Variants in CNGB3 observed in about 807,000 individuals in gnomAD.
The protein encoded by CNGB3 is cyclic nucleotide-gated channel beta-3.
A neutral mutation model predicts 92.8 loss-of-function variants in CNGB3; 86 were observed. The ratio of observed to expected loss-of-function variants is 0.93; its 90% confidence interval spans 0.78 to 1.11. The LOEUF (loss-of-function observed/expected upper bound fraction) is 1.11, where lower values mean the gene tolerates loss of function less well. Among genes scored for constraint, CNGB3 ranks in the 50% least tolerant of loss-of-function variants. The pLI, the probability that CNGB3 is intolerant of heterozygous loss-of-function variation, is 0.00. For missense variants in CNGB3, 1,026 were observed against 956.8 expected (o/e 1.07, Z -0.95); for synonymous variants, 333 against 332.7 (o/e 1.00, Z -0.01).
Position 86,625,521 on chromosome 8 carries a change from C to G in CNGB3, c.1578+462G>C, listed in dbSNP as rs148112146. ...AATTTTTTTTTCCTGAAACAAAAAGCTTCTAAATTAAAATTTGGCCATTTT... is the reference window on the plus strand; with the variant it reads ...AATTTTTTTTTCCTGAAACAAAAAGGTTCTAAATTAAAATTTGGCCATTTT... On this transcript the variant is annotated intron_variant, in intron 13 of 17. Coordinates refer to ENST00000320005, the MANE Select transcript of CNGB3 (RefSeq NM_019098.5). Among the ~76,000 whole-genome samples, 210 of 151,978 alleles carry G rather than the reference C, an allele frequency of 1.4e-3. 1 individual carries two copies. The highest frequency in any genetic ancestry group is 2.6e-4 in the Non-Finnish European group (18 of 67,964).
intron 3 of CNGB3, among the ~76,000 whole-genome samples, chr8:86,681,492 A>G (rs1000359422): frequency 6.6e-6 from 1 of 152,174 alleles, no homozygotes; most frequent in Non-Finnish European, 1.5e-5. Context: ...TAGAAGTTAC[A>G]ACACCTGTAT....
At chr8:86,687,998 A>G (rs951791127) in intron 3 of CNGB3, among the ~76,000 whole-genome samples, 1 of 152,040 alleles carries the variant, frequency 6.6e-6, no homozygotes, top group Non-Finnish European at 1.5e-5. Context: ...AGTGAGTAAT[A>G]AGAAAGGAAT....
chr8:86,616,025 A>T (rs1204202097), intron 13 of CNGB3, among the ~76,000 whole-genome samples: 2 of 152,200 alleles, frequency 1.3e-5, no homozygotes, highest in Non-Finnish European at 2.9e-5. Flanking sequence ...AGGAAGTCGG[A>T]TCAATGGGAA....
intron 15 of CNGB3, chr8:86,594,486 C>T: frequency 3.4e-6 from 1 of 292,934 alleles, no homozygotes; most frequent in South Asian, 3.2e-5. Flanking sequence ...AGGAGGGGAC[C>T]CGACACGTAG....
intron 13 of CNGB3, among the ~76,000 whole-genome samples, chr8:86,615,224 A>G (rs919592381): frequency 6.6e-6 from 1 of 152,122 alleles, no homozygotes; most frequent in Non-Finnish European, 1.5e-5. Context: ...TTCAATACTG[A>G]AAAAATTGGA....
intron 14 of CNGB3, among the ~76,000 whole-genome samples, chr8:86,606,565 C>T (rs532457625): frequency 6.6e-6 from 1 of 152,264 alleles, no homozygotes; most frequent in Admixed American, 6.5e-5. Context: ...AATATCATGT[C>T]TTTGCATATT....
intron 6 of CNGB3, among the ~76,000 whole-genome samples, chr8:86,663,410 T>G (rs1823683393): frequency 6.6e-6 from 1 of 152,228 alleles, no homozygotes; most frequent in Admixed American, 6.5e-5. Flanking sequence ...AGCACCACTT[T>G]TAGGAGCAAG....
intron 6 of CNGB3, chr8:86,658,334 C>G (rs921880488): frequency 2.1e-6 from 1 of 476,128 alleles, no homozygotes; most frequent in Non-Finnish European, 4.0e-6. Flanking sequence ...TGAGCGGAAG[C>G]GCCTCCTCCT....
chr8:86,708,309 C>T (rs1453472541), intron 3 of CNGB3, among the ~76,000 whole-genome samples: 5 of 151,814 alleles, frequency 3.3e-5, no homozygotes, highest in South Asian at 2.1e-4. Context: ...CAGTGAGGGA[C>T]GGTAGCAGTC....
intron 3 of CNGB3, among the ~76,000 whole-genome samples, chr8:86,717,561 C>CAAAAA (rs35692774): frequency 1.2e-3 from 147 of 119,600 alleles, no homozygotes; most frequent in African/African-American, 4.4e-3. Flanking sequence ...GACTCTGTCT[C>CAAAAA]AAAAAAAAAA....
intron 3 of CNGB3, among the ~76,000 whole-genome samples, chr8:86,698,491 C>T (rs761617153): frequency 8.5e-5 from 13 of 152,102 alleles, no homozygotes; most frequent in African/African-American, 1.2e-4. Flanking sequence ...AATTTGATTC[C>T]TTGCTCCATT....
Position 86,635,841 on chromosome 8 carries a change from TATATATATATATATATATATATAC to T in CNGB3, c.1179-2972_1179-2949del, listed in dbSNP as rs1193902381. Among the ~76,000 whole-genome samples, 83 of 65,320 alleles carry T rather than the reference TATATATATATATATATATATATAC, an allele frequency of 1.3e-3. 3 individuals are homozygous for T. Among genetic ancestry groups the T allele is most frequent in the African/African-American group, 5.7e-3 (70 of 12,184 alleles). 42.9% of individuals were successfully genotyped at this position (65,320 alleles called of 152,430 possible). On this transcript the variant is annotated intron_variant, in intron 10 of 17. Coordinates refer to ENST00000320005, the MANE Select transcript of CNGB3 (RefSeq NM_019098.5). ...CACATGATATATATATATATATATA[TATATATATATATATATATATATAC>T]ACATACACATATACTTAGGCATACT...
chr8:86,616,662 T>C (rs2131572388), intron 13 of CNGB3, among the ~76,000 whole-genome samples: 1 of 152,296 alleles, frequency 6.6e-6, no homozygotes, highest in East Asian at 1.9e-4. Flanking sequence ...TGAGAAAGTA[T>C]CAACATTAAC....
intron 16 of CNGB3, 64 bp from the exon 17 acceptor site, chr8:86,578,927 A>C: frequency 6.2e-7 from 1 of 1,600,888 alleles, no homozygotes; most frequent in Non-Finnish European, 8.6e-7. Flanking sequence ...AATCTACTAA[A>C]AAAACTGCAA....
At chr8:86,667,965 G>C in intron 5 of CNGB3, 54 bp downstream of exon 5, 3 of 1,593,088 alleles carry the variant, frequency 1.9e-6, no homozygotes, top group Non-Finnish European at 2.6e-6. Flanking sequence ...GAGTCACAGG[G>C]TTTCTTGGTG....
intron 1 of CNGB3, 135 bp downstream of exon 1, chr8:86,743,364 G>T: frequency 1.1e-6 from 1 of 931,284 alleles, no homozygotes; most frequent in Non-Finnish European, 1.7e-6. Context: ...ATGAAGATAA[G>T]CCCGACACAG....
intron 3 of CNGB3, among the ~76,000 whole-genome samples, chr8:86,723,639 C>T (rs764503825): frequency 2.0e-5 from 3 of 152,176 alleles, no homozygotes; most frequent in East Asian, 3.9e-4. Context: ...TAAAGATTCC[C>T]GTTAATTTTA....
intron 8 of CNGB3, among the ~76,000 whole-genome samples, chr8:86,646,609 T>C (rs1823295501): frequency 1.3e-5 from 2 of 151,252 alleles, no homozygotes; most frequent in Non-Finnish European, 3.0e-5. Flanking sequence ...AACAGACAGC[T>C]GCAACTATTA....
In CNGB3 at chr8:86,681,246, C is replaced by T. The variant is rs62525672; in HGVS notation, c.339-10148G>A. On this transcript the variant is annotated intron_variant, in intron 3 of 17. Coordinates refer to ENST00000320005, the MANE Select transcript of CNGB3 (RefSeq NM_019098.5). ...ATATGTTGATTGGGATAGATTATTG[C>T]GAAAGGGAATAGATAAGAGACGTGA... Among the ~76,000 whole-genome samples the T allele has an allele frequency of 5.3e-5, 8 of 151,562 alleles. No homozygotes were observed. In the South Asian group the frequency reaches 6.2e-4, roughly 12 times the overall value.
Sources: gnomAD v4.1 joint callset for allele counts (sites outside exome capture counted in the v4.1 genomes callset) on GRCh38, gnomAD v4.1.1 for gene constraint, MANE v1.5 for transcripts, NCBI Gene and HGNC (gene_info 2026-07-23, HGNC 2026-07-21) for gene names.